Variants in ITSN2 observed in about 807,000 individuals in gnomAD.
ITSN2 encodes intersectin-2.
Under a neutral mutation model 243.7 loss-of-function variants are expected in ITSN2, and 156 were observed. The observed-to-expected ratio is 0.64, with a 90% CI of 0.56 to 0.73. ITSN2 has a LOEUF of 0.73. ITSN2 is among the 30% of genes least tolerant of loss of function. The probability of loss-of-function intolerance (pLI) is 0.00; values close to 1 mark genes in which losing one functional copy is unlikely to be tolerated. For missense variants in ITSN2, 1,801 were observed against 1,996.1 expected, an observed-to-expected ratio of 0.90 and a Z score of 1.86; for synonymous variants, 703 against 699.9, an observed-to-expected ratio of 1.00 and a Z score of -0.07.
intron 1 of ITSN2, among the ~76,000 whole-genome samples, chr2:24,333,905 T>C (rs2151869030): frequency 6.6e-6 from 1 of 152,300 alleles, no homozygotes; most frequent in East Asian, 1.9e-4. Flanking sequence ...TGTTTTGTTT[T>C]TTGAGACAGA....
intron 34 of ITSN2, 100 bp downstream of exon 34, chr2:24,210,680 G>C: frequency 9.2e-7 from 1 of 1,089,758 alleles, no homozygotes; most frequent in Non-Finnish European, 1.3e-6. Context: ...GTCCACGCAG[G>C]CTGCCTAAGG....
intron 2 of ITSN2, among the ~76,000 whole-genome samples, chr2:24,321,200 C>T (rs1415576829): frequency 6.6e-6 from 1 of 152,160 alleles, no homozygotes; most frequent in African/African-American, 2.4e-5. Context: ...TTGTTGTCCG[C>T]CAGCTCTCTG....
chr2:24,238,371 T>G (rs1475021362), intron 29 of ITSN2, among the ~76,000 whole-genome samples: 1 of 152,182 alleles, frequency 6.6e-6, no homozygotes, highest in Admixed American at 6.5e-5. Flanking sequence ...GAGGAAAGGC[T>G]TTTTGGAAAG....
At chr2:24,222,252 C>CA (rs549424233) in intron 29 of ITSN2, among the ~76,000 whole-genome samples, 231 of 64,902 alleles carry the variant, frequency 3.6e-3, no homozygotes, top group African/African-American at 6.6e-3. Flanking sequence ...ACTTCATCTC[C>CA]AAAAAAAAAA....
At chr2:24,352,502 A>C (rs149970025) in intron 1 of ITSN2, among the ~76,000 whole-genome samples, 1 of 152,298 alleles carries the variant, frequency 6.6e-6, no homozygotes, top group African/African-American at 2.4e-5. Flanking sequence ...TAGGGTCCCA[A>C]ATATACAAAG....
At chr2:24,302,452 C>G (rs868864261) in intron 9 of ITSN2, among the ~76,000 whole-genome samples, 11 of 152,158 alleles carry the variant, frequency 7.2e-5, no homozygotes, top group Admixed American at 6.5e-5. Flanking sequence ...CCCGCCTCAG[C>G]CTCCCAAAGT....
chr2:24,343,400 T>C (rs1019623091), intron 1 of ITSN2, among the ~76,000 whole-genome samples: 5 of 152,302 alleles, frequency 3.3e-5, no homozygotes, highest in African/African-American at 1.2e-4. Flanking sequence ...TTACCAATTT[T>C]TCACAGTGAA....
chr2:24,216,328 T>A, intron 31 of ITSN2, 96 bp from the exon 32 acceptor site: 1 of 1,004,256 alleles, frequency 1.0e-6, no homozygotes. Context: ...TGATAACCAG[T>A]GAGCTACCTA....
At chr2:24,302,943 C>T (rs1464104967) in intron 9 of ITSN2, among the ~76,000 whole-genome samples, 6 of 152,152 alleles carry the variant, frequency 3.9e-5, no homozygotes, top group Non-Finnish European at 8.8e-5. Flanking sequence ...ATTCCTACCA[C>T]CTAAGGACAC....
intron 29 of ITSN2, among the ~76,000 whole-genome samples, chr2:24,226,318 G>A (rs1484539609): frequency 2.0e-5 from 3 of 152,180 alleles, no homozygotes; most frequent in Non-Finnish European, 2.9e-5. Flanking sequence ...GCCTCTGCCT[G>A]GGTTTGGCCA....
intron 29 of ITSN2, among the ~76,000 whole-genome samples, chr2:24,233,226 G>A (rs1383278544): frequency 1.3e-5 from 2 of 152,114 alleles, no homozygotes; most frequent in Non-Finnish European, 2.9e-5. Flanking sequence ...CCAATGGTAT[G>A]TTCATATAAC....
intron 1 of ITSN2, among the ~76,000 whole-genome samples, chr2:24,355,265 A>G (rs1688342608): frequency 6.6e-6 from 1 of 152,206 alleles, no homozygotes; most frequent in Admixed American, 6.5e-5. Flanking sequence ...TCAACTTTAG[A>G]TCTATCCACT....
chr2:24,308,911 T>C (rs1379856177), intron 7 of ITSN2, 155 bp from the exon 8 acceptor site: 2 of 603,204 alleles, frequency 3.3e-6, no homozygotes, highest in East Asian at 7.8e-5. Context: ...CGGGGCTCGG[T>C]GAGTGGCAGG....
At chr2:24,341,584 A>T (rs1038509192) in intron 1 of ITSN2, among the ~76,000 whole-genome samples, 6 of 152,210 alleles carry the variant, frequency 3.9e-5, no homozygotes, top group African/African-American at 1.4e-4. Flanking sequence ...AAATGTTTAA[A>T]ATAAGGGGAA....
intron 11 of ITSN2, among the ~76,000 whole-genome samples, chr2:24,300,948 C>G (rs1452845835): frequency 6.6e-6 from 1 of 152,180 alleles, no homozygotes; most frequent in African/African-American, 2.4e-5. Context: ...TCAAATACAT[C>G]TAACTGTCTC....
Position 24,246,238 on chromosome 2 carries a change from A to G in ITSN2, c.3468T>C (p.Val1156=), listed in dbSNP as rs1673351782. ...ACCAATCAGGATCATCTTTGTTCATAACATTAATGAGTTGTCCCTTGGAGA... is the reference window on the plus strand; with the variant it reads ...ACCAATCAGGATCATCTTTGTTCATGACATTAATGAGTTGTCCCTTGGAGA... The part of the protein sequence containing the change: ...LSFSKGQLIN[V]MNKDDPDWWQ... Residue 1156 remains valine (V), a synonymous_variant, in exon 29 of 40, where the codon GTT becomes GTC. Transcript: ENST00000355123. 1 of 1,613,268 alleles carries G rather than the reference A, an allele frequency of 6.2e-7. No individual in the cohort carries two copies. Among genetic ancestry groups the G allele is most frequent in the Non-Finnish European group, 8.5e-7 (1 of 1,179,290 alleles).
intron 1 of ITSN2, among the ~76,000 whole-genome samples, chr2:24,340,402 A>G (rs1486768843): frequency 6.7e-6 from 1 of 150,174 alleles, no homozygotes; most frequent in African/African-American, 2.5e-5. Flanking sequence ...AATCGCTTGA[A>G]CCCGGGGGGT....
chr2:24,278,272 A>G (rs922974911), intron 17 of ITSN2, among the ~76,000 whole-genome samples: 1 of 152,154 alleles, frequency 6.6e-6, no homozygotes, highest in African/African-American at 2.4e-5. Context: ...CATTCTGTAT[A>G]TTCCTCTATC....
intron 5 of ITSN2, 104 bp downstream of exon 5, chr2:24,312,108 G>T: frequency 1.2e-6 from 1 of 866,922 alleles, no homozygotes. Context: ...CTTGGAATCT[G>T]GGGACTGTCA....
Sources: allele counts gnomAD v4.1 joint callset (sites outside exome capture counted in the v4.1 genomes callset), GRCh38; gene constraint gnomAD v4.1.1; transcripts MANE v1.5; gene names NCBI Gene and HGNC (gene_info 2026-07-23, HGNC 2026-07-21).